KIAA1328: variants seen among roughly 807,000 people sequenced by gnomAD.
KIAA1328 encodes the protein protein hinderin.
Under a neutral mutation model 68.1 loss-of-function variants are expected in KIAA1328, and 52 were observed. The observed-to-expected ratio is 0.76, with a 90% CI of 0.61 to 0.96. KIAA1328 has a LOEUF of 0.96. Among genes scored for constraint, KIAA1328 ranks in the 40% least tolerant of loss-of-function variants. The pLI, the probability that KIAA1328 is intolerant of heterozygous loss-of-function variation, is 0.00. For synonymous variants in KIAA1328, 232 were observed against 239.4 expected, an observed-to-expected ratio of 0.97 and a Z score of 0.28; for missense variants, 641 against 677.6, an observed-to-expected ratio of 0.95 and a Z score of 0.60.
rs149118019 is a variant in KIAA1328 at position 37,084,588 on chromosome 18, A to G, written c.1232+17043A>G. 3.4e-3 allele frequency among the ~76,000 whole-genome samples: 442 copies of G among 130,656 alleles called. 1 individual carries two copies. Among genetic ancestry groups the G allele is most frequent in the Middle Eastern group, 0.015 (4 of 260 alleles). The allele number at this position is 130,656 out of a possible 152,430, so 85.7% of individuals were successfully genotyped here. A position where few individuals can be genotyped will look rare whatever the true frequency, so the allele number is the denominator to read the frequency against. On this transcript the variant is annotated intron_variant, in intron 7 of 9. Coordinates refer to ENST00000280020, the MANE Select transcript of KIAA1328 (RefSeq NM_020776.3). ...CTGTATCATATTTTCTGATCTTATT[A>G]AATACTCTGTGAAAACATTAATTCA...
intron 7 of KIAA1328, among the ~76,000 whole-genome samples, chr18:37,105,541 T>C: frequency 6.8e-6 from 1 of 147,222 alleles, no homozygotes; most frequent in East Asian, 2.0e-4. Flanking sequence ...TGCAGAAAAG[T>C]ATTTGCTATT....
downstream of KIAA1328, among the ~76,000 whole-genome samples, chr18:37,229,006 CAAA>C (rs900426384): frequency 6.6e-6 from 1 of 152,078 alleles, no homozygotes; most frequent in African/African-American, 2.4e-5. Context: ...CACTGGGAAA[CAAA>C]AAATTTGTGT....
intron 9 of KIAA1328, among the ~76,000 whole-genome samples, chr18:37,186,016 C>G (rs549984069): frequency 6.6e-6 from 1 of 150,602 alleles, no homozygotes; most frequent in East Asian, 2.0e-4. Flanking sequence ...TTCCCCAAGG[C>G]AAAGCATGTA....
At chr18:37,169,929 A>C (rs2059468082) in intron 8 of KIAA1328, among the ~76,000 whole-genome samples, 1 of 152,214 alleles carries the variant, frequency 6.6e-6, no homozygotes, top group Non-Finnish European at 1.5e-5. Flanking sequence ...CCTTCTTTAA[A>C]TTGTCCCCAG....
At chr18:37,052,468 G>A (rs938188341) in intron 6 of KIAA1328, among the ~76,000 whole-genome samples, 12 of 152,038 alleles carry the variant, frequency 7.9e-5, no homozygotes, top group African/African-American at 1.2e-4. Context: ...CCTGTTCAAC[G>A]TAGTACTGGA....
chr18:37,016,426 G>A (rs970213985), intron 6 of KIAA1328, among the ~76,000 whole-genome samples: 10 of 152,014 alleles, frequency 6.6e-5, no homozygotes, highest in South Asian at 4.2e-4. Flanking sequence ...ACATTGGCCC[G>A]TAGTTTTTAT....
At chr18:37,047,392 T>G (rs2055517226) in intron 6 of KIAA1328, among the ~76,000 whole-genome samples, 1 of 152,150 alleles carries the variant, frequency 6.6e-6, no homozygotes, top group Admixed American at 6.5e-5. Context: ...TAGATGGGCA[T>G]AAGGAATTAA....
At chr18:36,906,496 T>A (rs2049226839) in intron 5 of KIAA1328, among the ~76,000 whole-genome samples, 1 of 152,150 alleles carries the variant, frequency 6.6e-6, no homozygotes, top group Admixed American at 6.6e-5. Flanking sequence ...CATTTAAAAT[T>A]CGTCTATATT....
intron 6 of KIAA1328, among the ~76,000 whole-genome samples, chr18:37,036,632 G>C (rs368505126): frequency 1.0e-3 from 157 of 152,288 alleles, no homozygotes; most frequent in African/African-American, 3.6e-3. Context: ...ACAGCCACCT[G>C]CTCTTTTTAT....
At chr18:37,025,971 C>G (rs949698140) in intron 6 of KIAA1328, among the ~76,000 whole-genome samples, 6 of 151,904 alleles carry the variant, frequency 3.9e-5, no homozygotes, top group African/African-American at 1.5e-4. Flanking sequence ...ATTCATAGAC[C>G]GCTAGCAAGA....
At chr18:36,919,734 TTTTA>T (rs2049846123) in intron 5 of KIAA1328, among the ~76,000 whole-genome samples, 2 of 152,156 alleles carry the variant, frequency 1.3e-5, no homozygotes, top group Admixed American at 1.3e-4. Context: ...CACCAACATC[TTTTA>T]TTTTTTATTT....
At chr18:37,101,046 T>C (rs1599268881) in intron 7 of KIAA1328, among the ~76,000 whole-genome samples, 3 of 151,968 alleles carry the variant, frequency 2.0e-5, no homozygotes, top group African/African-American at 4.8e-5. Context: ...ATACCAAAGG[T>C]AGATAAAACC....
intron 9 of KIAA1328, among the ~76,000 whole-genome samples, chr18:37,191,914 T>C (rs1247623021): frequency 6.6e-6 from 1 of 152,200 alleles, no homozygotes; most frequent in East Asian, 1.9e-4. Context: ...CTCTGTCAGC[T>C]TCCTTGTGAC....
intron 7 of KIAA1328, among the ~76,000 whole-genome samples, chr18:37,078,805 G>A (rs1316621110): frequency 1.3e-5 from 2 of 150,312 alleles, no homozygotes; most frequent in East Asian, 1.9e-4. Context: ...AGTTAGAATG[G>A]CAATCATTAA....
At chr18:37,164,844 A>G (rs1042754258) in intron 8 of KIAA1328, among the ~76,000 whole-genome samples, 4 of 152,224 alleles carry the variant, frequency 2.6e-5, no homozygotes, top group African/African-American at 7.2e-5. Flanking sequence ...GGTTTAATGT[A>G]TATACACTAA....
intron 4 of KIAA1328, among the ~76,000 whole-genome samples, chr18:36,849,750 T>G (rs1196155752): frequency 2.0e-5 from 3 of 152,086 alleles, no homozygotes. Flanking sequence ...TGTTTAGTCT[T>G]ATGGTAATTC....
intron 5 of KIAA1328, among the ~76,000 whole-genome samples, chr18:36,894,953 G>A (rs1397394261): frequency 1.3e-5 from 2 of 151,954 alleles, no homozygotes; most frequent in Non-Finnish European, 2.9e-5. Flanking sequence ...CAAGTAACAT[G>A]TGTGACCTTC....
chr18:36,897,437 G>C (rs1343656987), intron 5 of KIAA1328, among the ~76,000 whole-genome samples: 1 of 152,026 alleles, frequency 6.6e-6, no homozygotes, highest in Non-Finnish European at 1.5e-5. Context: ...ATGAGACTTT[G>C]TTTCACACAA....
intron 1 of KIAA1328, among the ~76,000 whole-genome samples, chr18:36,833,792 G>A (rs1019966639): frequency 6.6e-6 from 1 of 152,040 alleles, no homozygotes; most frequent in African/African-American, 2.4e-5. Context: ...TAAATAGTAG[G>A]GCTTCTTGGG....
Sources: gnomAD v4.1 joint callset for allele counts (sites outside exome capture counted in the v4.1 genomes callset) on GRCh38, gnomAD v4.1.1 for gene constraint, MANE v1.5 for transcripts, NCBI Gene and HGNC (gene_info 2026-07-23, HGNC 2026-07-21) for gene names.